SPAG9: variants seen among roughly 807,000 people sequenced by gnomAD.
The protein encoded by SPAG9 is sperm associated antigen 9.
A neutral mutation model predicts 166.5 loss-of-function variants in SPAG9; 35 were observed. That is an observed-to-expected ratio of 0.21 (90% CI 0.16 to 0.28). SPAG9 has a LOEUF of 0.28. Among genes scored for constraint, SPAG9 ranks in the 10% least tolerant of loss-of-function variants. SPAG9 has a pLI of 1.00. For missense variants in SPAG9, 1,235 were observed against 1,603.3 expected (o/e 0.77, Z 3.92); for synonymous variants, 534 against 565.5 (o/e 0.94, Z 0.79).
chr17:51,024,740 C>T lies in SPAG9; in HGVS notation c.784-3375G>A, dbSNP rs565165526. Among the ~76,000 whole-genome samples, 12 of 150,240 alleles carry T rather than the reference C, an allele frequency of 8.0e-5. No individual in the cohort carries two copies. The East Asian group carries it at 1.4e-3, about 17-fold the overall frequency. On this transcript the variant is annotated intron_variant, in intron 6 of 29. Coordinates refer to ENST00000262013, the MANE Select transcript of SPAG9 (RefSeq NM_001130528.3). Reference sequence around the variant, plus strand: ...AAAAAAAAAAAAAAATTGTACAATACTTCATGTATGCCTGTAATCCCAGCT... The same window carrying T: ...AAAAAAAAAAAAAAATTGTACAATATTTCATGTATGCCTGTAATCCCAGCT...
At chr17:51,027,295 A>G (rs773656481) in intron 6 of SPAG9, among the ~76,000 whole-genome samples, 7 of 151,970 alleles carry the variant, frequency 4.6e-5, no homozygotes, top group Non-Finnish European at 8.8e-5. Flanking sequence ...AGCTGGGTGT[A>G]GTGGCATATG....
chr17:51,082,398 A>C (rs1012757732), intron 1 of SPAG9, among the ~76,000 whole-genome samples: 6 of 151,318 alleles, frequency 4.0e-5, no homozygotes, highest in Non-Finnish European at 8.8e-5. Context: ...AAAAAAAAAA[A>C]AAAAAACCTG....
rs746370783 is a variant in SPAG9 at position 51,089,620 on chromosome 17, T to TTATATATATATA, written c.304-9928_304-9917dup. Among the ~76,000 whole-genome samples the TTATATATATATA allele has an allele frequency of 2.7e-3, 109 of 40,404 alleles. 1 individual carries two copies. The highest frequency in any genetic ancestry group is 0.015 in the Middle Eastern group (1 of 68). The allele number at this position is 40,404 out of a possible 152,430, so 26.5% of individuals were successfully genotyped here. A position where few individuals can be genotyped will look rare whatever the true frequency, so the allele number is the denominator to read the frequency against. ...TATATGTATATATATACACTTTATT[T>TTATATATATATA]TATATATATATATATATATATATAT... On this transcript the variant is annotated intron_variant, in intron 1 of 29. Transcript: ENST00000262013.
rs779462205 is a variant in SPAG9 at position 50,965,682 on chromosome 17, A to G, written c.*590T>C. 6.6e-6 allele frequency: 1 copy of G among 152,068 alleles called. No homozygotes were observed. The highest frequency in any genetic ancestry group is 1.5e-5 in the Non-Finnish European group (1 of 68,064). The allele number at this position is 152,068 out of a possible 1,614,324, so 9.4% of individuals were successfully genotyped here. The stretch of plus-strand genomic sequence containing the variant: ...GTAGTCTTAATTTCTTTAATATAAA[A>G]CCCCCCCAAATCTGATGAAAACAAA... On this transcript the variant is annotated 3_prime_UTR_variant, in exon 30 of 30. Coordinates refer to ENST00000262013, the MANE Select transcript of SPAG9 (RefSeq NM_001130528.3).
chr17:51,019,452 G>A (rs1053670202), intron 8 of SPAG9, among the ~76,000 whole-genome samples: 12 of 152,120 alleles, frequency 7.9e-5, no homozygotes, highest in Non-Finnish European at 1.5e-4. Context: ...AGCTACTCGG[G>A]AAGCTGAGGC....
intron 3 of SPAG9, among the ~76,000 whole-genome samples, chr17:51,056,151 G>C (rs2047357070): frequency 6.6e-6 from 1 of 152,068 alleles, no homozygotes; most frequent in Non-Finnish European, 1.5e-5. Flanking sequence ...GCCAGCCAAG[G>C]AGAGAAGTAC....
chr17:51,053,857 ATATAT>A (rs1568044959), intron 3 of SPAG9, among the ~76,000 whole-genome samples: 384 of 36,526 alleles, frequency 0.011, 10 homozygotes, highest in East Asian at 0.013. Flanking sequence ...AAAAAAAAGT[ATATAT>A]ATATATATAT....
chr17:51,000,508 C>A (rs200214239), intron 13 of SPAG9, among the ~76,000 whole-genome samples: 1 of 151,942 alleles, frequency 6.6e-6, no homozygotes, highest in East Asian at 1.9e-4. Context: ...CCGAGGCGGG[C>A]GGATCACTTG....
rs2044652342 is a variant in SPAG9 at position 50,995,757 on chromosome 17, G to A, written c.1969-224C>T. On this transcript the variant is annotated intron_variant, in intron 16 of 29. Coordinates refer to ENST00000262013, the MANE Select transcript of SPAG9 (RefSeq NM_001130528.3). ...GCTCACTGCAGCCTCAATCTGTCAGGCTTAAGCGGTCCCCTCCCACCTCAG... is the reference window on the plus strand; with the variant it reads ...GCTCACTGCAGCCTCAATCTGTCAGACTTAAGCGGTCCCCTCCCACCTCAG... 8 of 458,034 alleles carry A rather than the reference G, an allele frequency of 1.7e-5. No homozygotes were observed. The South Asian group carries it at 2.5e-4, about 14-fold the overall frequency. The allele number at this position is 458,034 out of a possible 1,614,324, so 28.4% of individuals were successfully genotyped here.
chr17:51,054,744 G>A (rs2047314009), intron 3 of SPAG9, among the ~76,000 whole-genome samples: 1 of 151,954 alleles, frequency 6.6e-6, no homozygotes, highest in South Asian at 2.1e-4. Context: ...CCAAATGTGG[G>A]TATTTTTTAC....
intron 2 of SPAG9, among the ~76,000 whole-genome samples, chr17:51,063,422 A>AG (rs1463739285): frequency 1.3e-5 from 2 of 151,844 alleles, no homozygotes; most frequent in Admixed American, 6.6e-5. Flanking sequence ...AAAAAAAAAA[A>AG]AAAAAATTGT....
chr17:50,992,606 G>T (rs1975684555), intron 19 of SPAG9, among the ~76,000 whole-genome samples: 1 of 152,122 alleles, frequency 6.6e-6, no homozygotes, highest in South Asian at 2.1e-4. Context: ...GGAAGGTCAT[G>T]GCTGCAATGA....
intron 1 of SPAG9, among the ~76,000 whole-genome samples, chr17:51,089,620 T>TTATATATATATATATATATA (rs746370783): frequency 4.9e-5 from 2 of 40,474 alleles, no homozygotes; most frequent in African/African-American, 9.9e-5. Flanking sequence ...ACACTTTATT[T>TTATATATATATATATATATA]TATATATATA....
At chr17:51,100,895 G>T (rs947373670) in intron 1 of SPAG9, among the ~76,000 whole-genome samples, 1 of 151,782 alleles carries the variant, frequency 6.6e-6, no homozygotes, top group African/African-American at 2.4e-5. Context: ...ACTCCAGCCT[G>T]GGCAATAAGA....
intron 2 of SPAG9, among the ~76,000 whole-genome samples, chr17:51,065,085 T>A (rs961075025): frequency 1.3e-5 from 2 of 152,126 alleles, no homozygotes; most frequent in South Asian, 2.1e-4. Context: ...ATCGCACCAT[T>A]GCACTCCAGC....
chr17:50,994,287 C>T (rs371675630), intron 18 of SPAG9, among the ~76,000 whole-genome samples: 144 of 152,280 alleles, frequency 9.5e-4, no homozygotes, highest in Middle Eastern at 3.4e-3. Flanking sequence ...CTTGCTGCCA[C>T]CATGTAAGAA....
intron 18 of SPAG9, among the ~76,000 whole-genome samples, chr17:50,994,406 G>A (rs1485439015): frequency 6.6e-6 from 1 of 152,170 alleles, no homozygotes; most frequent in African/African-American, 2.4e-5. Context: ...TTTATCAGCA[G>A]TGTGAATATA....
chr17:51,082,213 C>A (rs2048183272), intron 1 of SPAG9, among the ~76,000 whole-genome samples: 1 of 151,370 alleles, frequency 6.6e-6, no homozygotes, highest in Non-Finnish European at 1.5e-5. Flanking sequence ...CCCATCTCTA[C>A]TAAATACAAA....
At chr17:51,013,883 TACACAC>T in intron 9 of SPAG9, among the ~76,000 whole-genome samples, 1 of 114,450 alleles carries the variant, frequency 8.7e-6, no homozygotes, top group Non-Finnish European at 1.8e-5. Flanking sequence ...CATCAATCCA[TACACAC>T]ACACATACAC....
Sources: gnomAD v4.1 joint callset for allele counts (sites outside exome capture counted in the v4.1 genomes callset) on GRCh38, gnomAD v4.1.1 for gene constraint, MANE v1.5 for transcripts, NCBI Gene and HGNC (gene_info 2026-07-23, HGNC 2026-07-21) for gene names.